IKBKE: variants seen among roughly 807,000 people sequenced by gnomAD.
IKBKE encodes inhibitor of nuclear factor kappa-B kinase subunit epsilon.
In IKBKE, 45 loss-of-function variants were observed where a neutral mutation model predicts 92.1. The ratio of observed to expected loss-of-function variants is 0.49; its 90% CI spans 0.38 to 0.63. The LOEUF is 0.63. Ranked by LOEUF, IKBKE falls within the 20% of genes least tolerant of loss-of-function variation. The pLI, the probability that IKBKE is intolerant of heterozygous loss-of-function variation, is 0.00. For synonymous variants in IKBKE, 374 were observed against 380.3 expected (o/e 0.98, Z 0.19); for missense variants, 700 against 932.8 (o/e 0.75, Z 3.25).
chr1:206,480,250 A>C, intron 12 of IKBKE, 137 bp downstream of exon 12: 1 of 275,256 alleles, frequency 3.6e-6, no homozygotes, highest in East Asian at 1.0e-4. Flanking sequence ...GGGGGTGGGC[A>C]GGAGAGGGAG....
intron 3 of IKBKE, among the ~76,000 whole-genome samples, 157 bp from the exon 4 acceptor site, chr1:206,474,174 G>T (rs41296004): frequency 6.6e-6 from 1 of 152,088 alleles, no homozygotes; most frequent in Non-Finnish European, 1.5e-5. Context: ...AGGGAAAGGC[G>T]GTGCGGATGG....
In IKBKE at chr1:206,474,943, A is replaced by G. The variant is rs1553384847; in HGVS notation, c.307A>G (p.Asn103Asp). The G allele has an allele frequency of 6.2e-7, 1 of 1,613,990 alleles. No homozygotes were observed. The highest frequency in any genetic ancestry group is 1.7e-5 in the Admixed American group (1 of 60,002). The change falls in exon 5 of 22, where the codon AAT becomes GAT. Residue 103 changes from asparagine (N) to aspartate (D), a missense_variant. Physicochemically the swap from Asn to Asp is conservative, Grantham distance 23. Transcript: ENST00000581977. ...GCTGAGTGTGCTGGAGAGCCCTGAG[A>G]ATGCCTTTGGGCTGCCTGAGGATGA... is the stretch of plus-strand genomic sequence containing the variant. ...SLLSVLESPE[N>D]AFGLPEDEFL...
intron 5 of IKBKE, chr1:206,475,211 A>C: frequency 1.8e-6 from 1 of 547,636 alleles, no homozygotes; most frequent in Non-Finnish European, 3.2e-6. Flanking sequence ...AAAATGTGGG[A>C]GGTACCTAAA....
intron 13 of IKBKE, among the ~76,000 whole-genome samples, chr1:206,483,745 T>C (rs1483389998): frequency 6.6e-6 from 1 of 152,198 alleles, no homozygotes; most frequent in East Asian, 1.9e-4. Context: ...TACACATCCT[T>C]CTAGATATTT....
In IKBKE at chr1:206,485,009, G is replaced by C; in HGVS notation, c.1440G>C (p.Val480=). The part of the protein sequence containing the change: ...SSLGTERFSS[V]AGTPEIQELK... Reference sequence around the variant, plus strand: ...TGCTTCCCTCAAGGTTCAGCAGCGTGGCTGGAACGCCTGAGATCCAGGAAC... The same window carrying C: ...TGCTTCCCTCAAGGTTCAGCAGCGTCGCTGGAACGCCTGAGATCCAGGAAC... Residue 480 remains valine, a synonymous_variant, in exon 14 of 22, where the codon GTG becomes GTC. Transcript: ENST00000581977. This position sits in a 1 kb window ranked among gnomAD's most constrained non-coding sequence, Gnocchi z 5.0. 6.2e-7 allele frequency: 1 copy of C among 1,614,010 alleles called. No homozygotes were observed. Among genetic ancestry groups the C allele is most frequent in the East Asian group, 2.2e-5 (1 of 44,878 alleles).
Position 206,478,345 on chromosome 1 carries a change from T to C in IKBKE, c.992+6T>C. ...TATATCCATGCCCACAACACGTAAG[T>C]GGGGGCGAGGGAGGGAAGCGGTGAG... is the stretch of plus-strand genomic sequence containing the variant. On this transcript the variant is annotated splice_donor_region_variant and intron_variant, in intron 9 of 21. Coordinates refer to ENST00000581977, the MANE Select transcript of IKBKE (RefSeq NM_014002.4). This position sits in a 1 kb window ranked among gnomAD's most constrained non-coding sequence, Gnocchi z 4.8. 1.2e-6 allele frequency: 2 copies of C among 1,611,830 alleles called. No individual in the cohort carries two copies. Among genetic ancestry groups the C allele is most frequent in the Non-Finnish European group, 1.7e-6 (2 of 1,179,840 alleles).
At position 206,496,448 on chromosome 1, in the gene IKBKE, G is replaced by A; in HGVS notation, c.*303G>A. Reference sequence around the variant, plus strand: ...GTACTGCTCCTCCATGCCCATGGCTGGGCCGTGGGGAGAAGAAGCTCTCAT... The same window carrying A: ...GTACTGCTCCTCCATGCCCATGGCTAGGCCGTGGGGAGAAGAAGCTCTCAT... On this transcript the variant is annotated 3_prime_UTR_variant, in exon 22 of 22. Transcript: ENST00000581977. The A allele has an allele frequency of 2.4e-6, 1 of 422,190 alleles. No homozygotes were observed. The highest frequency in any genetic ancestry group is 3.6e-5 in the South Asian group (1 of 27,802). The allele number at this position is 422,190 out of a possible 1,614,324, so 26.2% of individuals were successfully genotyped here.
chr1:206,480,146 G>A (rs1014411652), intron 12 of IKBKE, 33 bp downstream of exon 12: 12 of 1,463,128 alleles, frequency 8.2e-6, no homozygotes, highest in African/African-American at 2.9e-5. Flanking sequence ...CACAGAGGGG[G>A]AGGCGGGCAG....
In IKBKE at chr1:206,476,128, C is replaced by T; in HGVS notation, c.359-53C>T. ...CCTTCCCACCAAGATGAGCCTCAGACACTAGACTGTCCCCGACCAGAGCCA... is the reference window on the plus strand; with the variant it reads ...CCTTCCCACCAAGATGAGCCTCAGATACTAGACTGTCCCCGACCAGAGCCA... On this transcript the variant is annotated intron_variant, in intron 5 of 21. Coordinates refer to ENST00000581977, the MANE Select transcript of IKBKE (RefSeq NM_014002.4). This position sits in a 1 kb window ranked among gnomAD's most constrained non-coding sequence, Gnocchi z 5.1. The T allele has an allele frequency of 6.4e-7, 1 of 1,571,684 alleles. No individual in the cohort carries two copies. Among genetic ancestry groups the T allele is most frequent in the Admixed American group, 1.7e-5 (1 of 58,658 alleles).
intron 16 of IKBKE, among the ~76,000 whole-genome samples, chr1:206,489,793 T>C (rs1665856774): frequency 6.6e-6 from 1 of 152,224 alleles, no homozygotes; most frequent in Admixed American, 6.5e-5. Flanking sequence ...AAAGGTTAAG[T>C]AGCCCAAGTA....
chr1:206,478,954 TC>T lies in IKBKE; in HGVS notation c.1006del (p.Gln336ArgfsTer44), dbSNP rs782228446. The T allele has an allele frequency of 3.7e-6, 6 of 1,614,060 alleles. No individual in the cohort carries two copies. In the South Asian group the frequency reaches 6.6e-5, roughly 18 times the overall value. On this transcript the variant is annotated frameshift_variant, in exon 10 of 22. Coordinates refer to ENST00000581977, the MANE Select transcript of IKBKE (RefSeq NM_014002.4). LOFTEE classifies it high-confidence loss of function. The surrounding 1 kb of genome is among the most constrained non-coding windows in gnomAD (Gnocchi z 4.8). ...ACGGCTGTGTCTAGGATAGCCATTT[TC>T]CAGGAGGCCGTGCACAAGCAGACCA... ...YIHAHNTIAI[F>X]QEAVHKQTSV...
rs1553391053 is a variant in IKBKE, at chr1:206,493,079, G to A, written c.1892G>A (p.Cys631Tyr). ...CTGGTTGGCTGTTCTGTGGCTGCCT[G>A]TAACACAGAAGCCCAGGGGGTCCAG... is the stretch of plus-strand genomic sequence containing the variant. ...LRLVGCSVAA[C>Y]NTEAQGVQES... The change falls in exon 19 of 22, where the codon TGT becomes TAT. Residue 631 changes from cysteine (C) to tyrosine (Y), a missense_variant. Cys to Tyr is a radical substitution (Grantham distance 194). Transcript: ENST00000581977. 1 of 1,591,920 alleles carries A rather than the reference G, an allele frequency of 6.3e-7. No homozygotes were observed. The highest frequency in any genetic ancestry group is 1.7e-4 in the Middle Eastern group (1 of 6,022).
At position 206,493,257 on chromosome 1, in the gene IKBKE, T is replaced by G; in HGVS notation, c.1933-9T>G. On this transcript the variant is annotated splice_polypyrimidine_tract_variant and intron_variant, in intron 19 of 21. Coordinates refer to ENST00000581977, the MANE Select transcript of IKBKE (RefSeq NM_014002.4). ...ACTAATTGCTGACCAAAGTATGGCT[T>G]CCCTGCAGCTCCTGGAAGAGCTATC... 1 of 1,611,662 alleles carries G rather than the reference T, an allele frequency of 6.2e-7. No individual in the cohort carries two copies. The highest frequency in any genetic ancestry group is 8.5e-7 in the Non-Finnish European group (1 of 1,177,902).
intron 21 of IKBKE, among the ~76,000 whole-genome samples, chr1:206,494,384 G>A (rs1202728073): frequency 6.6e-6 from 1 of 152,046 alleles, no homozygotes; most frequent in Non-Finnish European, 1.5e-5. Context: ...CAGACACCTT[G>A]GATACGATGC....
rs375313035 is a variant in IKBKE, at chr1:206,473,948, G to A, written c.88-383G>A. On this transcript the variant is annotated intron_variant, in intron 3 of 21. Coordinates refer to ENST00000581977, the MANE Select transcript of IKBKE (RefSeq NM_014002.4). ...TGCACTCCAGCCTGGGTGACAGAGCGAGGCTCCGTCTCAAAAAAAAAAAAA... is the reference window on the plus strand; with the variant it reads ...TGCACTCCAGCCTGGGTGACAGAGCAAGGCTCCGTCTCAAAAAAAAAAAAA... Among the ~76,000 whole-genome samples the A allele has an allele frequency of 1.3e-4, 17 of 133,574 alleles. No homozygotes were observed. In the East Asian group the frequency reaches 3.0e-3, roughly 24 times the overall value. 87.6% of individuals were successfully genotyped at this position (133,574 alleles called of 152,430 possible). A position where few individuals can be genotyped will look rare whatever the true frequency, so the allele number is the denominator to read the frequency against.
At position 206,490,091 on chromosome 1, in the gene IKBKE, C is replaced by T. The variant is rs1162184255; in HGVS notation, c.1694-728C>T. 6.6e-6 allele frequency among the ~76,000 whole-genome samples: 1 copy of T among 152,150 alleles called. No individual in the cohort carries two copies. The highest frequency in any genetic ancestry group is 6.5e-5 in the Admixed American group (1 of 15,278). ...AACAGGAGGAAGGGCTGAGGTTTGT[C>T]CCAGGTCTCTCGGACTGCACACATG... is the stretch of plus-strand genomic sequence containing the variant. On this transcript the variant is annotated intron_variant, in intron 16 of 21. Transcript: ENST00000581977. This position sits in a 1 kb window ranked among gnomAD's most constrained non-coding sequence, Gnocchi z 5.2.
chr1:206,477,806 G>C lies in IKBKE; in HGVS notation c.759G>C (p.Glu253Asp), dbSNP rs1553385831. The change falls in exon 8 of 22, where the codon GAG becomes GAC. Residue 253 changes from glutamate to aspartate, a missense_variant. By Grantham distance (45) the Glu-to-Asp change is conservative. Transcript: ENST00000581977. ...AGAIAGAQRR[E>D]NGPLEWSYTL... The stretch of plus-strand genomic sequence containing the variant: ...CCATTGCAGGTGCCCAGAGGCGGGA[G>C]AACGGGCCCCTGGAGTGGAGCTACA... 3.2e-6 allele frequency: 5 copies of C among 1,563,486 alleles called. No individual in the cohort carries two copies. Among genetic ancestry groups the C allele is most frequent in the Non-Finnish European group, 4.3e-6 (5 of 1,154,216 alleles).
rs1334673661 is a variant in IKBKE, at chr1:206,494,403, G to A, written c.2117+412G>A. On this transcript the variant is annotated intron_variant, in intron 21 of 21. Transcript: ENST00000581977. ...CACCTTGGATACGATGCCCAAGGCC[G>A]GTGTTTCTCTGGCCTTGTGGGGCTC... is the stretch of plus-strand genomic sequence containing the variant. 5.3e-5 allele frequency among the ~76,000 whole-genome samples: 8 copies of A among 151,998 alleles called. No homozygotes were observed. In the South Asian group the frequency reaches 8.3e-4, roughly 16 times the overall value.
Position 206,476,989 on chromosome 1 carries a change from GT to G in IKBKE, c.701+153del, listed in dbSNP as rs1665104069. Reference sequence around the variant, plus strand: ...CCAGGCTCTTTGTAGATCTTTTTTTGTTAATGGGATCAAACAAGCAGCTGAG... The same window carrying G: ...CCAGGCTCTTTGTAGATCTTTTTTTGTAATGGGATCAAACAAGCAGCTGAG... On this transcript the variant is annotated intron_variant, in intron 7 of 21. Transcript: ENST00000581977. The surrounding 1 kb of genome is among the most constrained non-coding windows in gnomAD (Gnocchi z 5.1). 1 of 789,530 alleles carries G rather than the reference GT, an allele frequency of 1.3e-6. No homozygotes were observed. Among genetic ancestry groups the G allele is most frequent in the South Asian group, 1.8e-5 (1 of 55,268 alleles). 48.9% of individuals were successfully genotyped at this position (789,530 alleles called of 1,614,324 possible). A position where few individuals can be genotyped will look rare whatever the true frequency, so the allele number is the denominator to read the frequency against.
Sources: allele counts gnomAD v4.1 joint callset (sites outside exome capture counted in the v4.1 genomes callset), GRCh38; gene constraint gnomAD v4.1.1; non-coding constraint Gnocchi (gnomAD v3.1); transcripts MANE v1.5; gene names NCBI Gene and HGNC (gene_info 2026-07-23, HGNC 2026-07-21).